Variants in ARL5C observed in about 807,000 individuals in gnomAD.
ARL5C encodes the protein ARF like GTPase 5C.
ARL5C carries 21 observed loss-of-function variants against 20.8 expected under a neutral mutation model. That is an observed-to-expected ratio of 1.01 (90% confidence interval 0.72 to 1.46). The LOEUF is 1.46. ARL5C is among the 40% of genes most tolerant of loss of function. The pLI, the probability that ARL5C is intolerant of heterozygous loss-of-function variation, is 0.00. For synonymous variants in ARL5C, 71 were observed against 81.6 expected (o/e 0.87, Z 0.70); for missense variants, 199 against 225.1 (o/e 0.88, Z 0.74).
At chr17:39,160,413 G>A in intron 5 of ARL5C, 178 bp downstream of exon 5, 2 of 637,834 alleles carry the variant, frequency 3.1e-6, no homozygotes, top group Non-Finnish European at 5.4e-6. Context: ...GAGCAGGGAT[G>A]CTGTCTGCTT....
intron 1 of ARL5C, 99 bp from the exon 2 acceptor site, chr17:39,165,238 G>A (rs1326459012): frequency 3.3e-6 from 4 of 1,221,146 alleles, no homozygotes; most frequent in Non-Finnish European, 3.5e-6. Context: ...AGCGCTCCCC[G>A]CAGGCTGGGG....
intron 5 of ARL5C, among the ~76,000 whole-genome samples, chr17:39,158,398 A>C (rs956867786): frequency 1.3e-5 from 2 of 152,216 alleles, no homozygotes; most frequent in African/African-American, 4.8e-5. Context: ...AGATCATTTG[A>C]GCTCAGGTGT....
At chr17:39,158,164 T>TGAGG (rs1159615000) in intron 5 of ARL5C, among the ~76,000 whole-genome samples, 8 of 25,318 alleles carry the variant, frequency 3.2e-4, no homozygotes, top group African/African-American at 7.3e-4. Context: ...AGGGAGGAAG[T>TGAGG]GAGGGAGGGA....
At chr17:39,165,305 C>T (rs2045457307) in intron 1 of ARL5C, 166 bp from the exon 2 acceptor site, 1 of 659,432 alleles carries the variant, frequency 1.5e-6, no homozygotes, top group African/African-American at 1.8e-5. Context: ...CTGCCCCACT[C>T]CGGGACGGTG....
At chr17:39,163,345 C>CCTTTCTCTCTTTCTTT (rs2045443968) in intron 2 of ARL5C, among the ~76,000 whole-genome samples, 2 of 136,740 alleles carry the variant, frequency 1.5e-5, no homozygotes, top group Non-Finnish European at 3.2e-5. Context: ...CAGGCTTTTG[C>CCTTTCTCTCTTTCTTT]CTTTCTTTCT....
At chr17:39,161,114 C>A (rs533648572) in intron 4 of ARL5C, among the ~76,000 whole-genome samples, 154 bp downstream of exon 4, 15 of 152,240 alleles carry the variant, frequency 9.9e-5, no homozygotes, top group African/African-American at 3.6e-4. Context: ...GTACTGATGC[C>A]CTTCATCAGG....
intron 2 of ARL5C, 145 bp from the exon 3 acceptor site, chr17:39,163,003 C>T (rs658542): frequency 0.14 from 136,957 of 950,762 alleles, 10,615 homozygotes; most frequent in East Asian, 0.21. Flanking sequence ...AGCCAGGCCC[C>T]GTGCTGGGCC....
Position 39,162,566 on chromosome 17 carries a change from G to A in ARL5C, c.255+145C>T, listed in dbSNP as rs1027832450. On this transcript the variant is annotated intron_variant, in intron 3 of 5. Coordinates refer to ENST00000269586, the MANE Select transcript of ARL5C (RefSeq NM_001143968.1). ...TCCACCCGCCTTGGACTCCCAAAGTGCTGGGATTACAGGTGTGAGCCACAG... is the reference window on the plus strand; with the variant it reads ...TCCACCCGCCTTGGACTCCCAAAGTACTGGGATTACAGGTGTGAGCCACAG... 4.5e-5 allele frequency: 47 copies of A among 1,050,382 alleles called. No individual in the cohort carries two copies. The African/African-American group carries it at 6.5e-4, about 15-fold the overall frequency. 65.1% of individuals were successfully genotyped at this position (1,050,382 alleles called of 1,614,324 possible).
At chr17:39,158,781 G>C (rs1165051069) in intron 5 of ARL5C, among the ~76,000 whole-genome samples, 1 of 151,896 alleles carries the variant, frequency 6.6e-6, no homozygotes, top group Non-Finnish European at 1.5e-5. Context: ...AGTGTCCCTT[G>C]TCAGATAACT....
rs146308343 is a variant in ARL5C at position 39,157,515 on chromosome 17, C to T, written c.492-573G>A. Among the ~76,000 whole-genome samples, 965 of 152,292 alleles carry T rather than the reference C, an allele frequency of 6.3e-3. 8 individuals are homozygous for T. Among genetic ancestry groups the T allele is most frequent in the African/African-American group, 0.022 (921 of 41,560 alleles). On this transcript the variant is annotated intron_variant, in intron 5 of 5. Transcript: ENST00000269586. Reference sequence around the variant, plus strand: ...CTTAGAAAATGCTGATTGGGCCAGGCGCAGTGGCTCACGCCTTTAATCCCA... The same window carrying T: ...CTTAGAAAATGCTGATTGGGCCAGGTGCAGTGGCTCACGCCTTTAATCCCA...
At position 39,165,900 on chromosome 17, in the gene ARL5C, A is replaced by G. The variant is rs911541071; in HGVS notation, c.-140T>C. ...GTTAGGGAAGCCCCACACGTCACCA[A>G]CCTGACCTGGGAACCCTCTGGGACG... On this transcript the variant is annotated 5_prime_UTR_variant, in exon 1 of 6. Coordinates refer to ENST00000269586, the MANE Select transcript of ARL5C (RefSeq NM_001143968.1). The G allele has an allele frequency of 3.1e-6, 3 of 964,630 alleles. No individual in the cohort carries two copies. The African/African-American group carries it at 4.9e-5, about 16-fold the overall frequency. 59.8% of individuals were successfully genotyped at this position (964,630 alleles called of 1,614,324 possible). A position where few individuals can be genotyped will look rare whatever the true frequency, so the allele number is the denominator to read the frequency against.
At chr17:39,158,145 A>G (rs1052629530) in intron 5 of ARL5C, among the ~76,000 whole-genome samples, 38 of 133,988 alleles carry the variant, frequency 2.8e-4, no homozygotes, top group Non-Finnish European at 2.6e-4. Context: ...GGAAGGAAGG[A>G]AGGAAGAGAG....
intron 5 of ARL5C, among the ~76,000 whole-genome samples, chr17:39,159,632 A>G (rs2045424855): frequency 6.6e-6 from 1 of 152,090 alleles, no homozygotes; most frequent in African/African-American, 2.4e-5. Flanking sequence ...TTTCTTGTTT[A>G]TCATCTGCCT....
rs1448934153 is a variant in ARL5C, at chr17:39,165,244, T to C, written c.47-105A>G. 4.4e-6 allele frequency: 5 copies of C among 1,137,138 alleles called. No individual in the cohort carries two copies. The East Asian group carries it at 1.3e-4, about 29-fold the overall frequency. The allele number at this position is 1,137,138 out of a possible 1,614,324, so 70.4% of individuals were successfully genotyped here. Reference sequence around the variant, plus strand: ...GAAGGAGATAGCGCTCCCCGCAGGCTGGGGACCTCTGCCCACCGTACCGCG... The same window carrying C: ...GAAGGAGATAGCGCTCCCCGCAGGCCGGGGACCTCTGCCCACCGTACCGCG... On this transcript the variant is annotated intron_variant, in intron 1 of 5. Transcript: ENST00000269586.
rs1457942237 is a variant in ARL5C at position 39,161,297 on chromosome 17, C to T, written c.310G>A (p.Glu104Lys). The T allele has an allele frequency of 3.2e-6, 5 of 1,551,862 alleles. No homozygotes were observed. In the East Asian group the frequency reaches 1.2e-4, roughly 38 times the overall value. The change falls in exon 4 of 6, where the codon GAG (glutamate) becomes AAG (lysine). Residue 104 changes from glutamate (E) to lysine (K), a missense_variant. Glu to Lys is a moderately conservative substitution (Grantham distance 56, BLOSUM62 1). Coordinates refer to ENST00000269586, the MANE Select transcript of ARL5C (RefSeq NM_001143968.1). ...TDRDRLLTTR[E>K]ELYKMLAHEA... Reference sequence around the variant, plus strand: ...TGGGCCAGCATTTTATATAGCTCCTCCCGAGTGGTCAGCAGCCGATCCCGG... The same window carrying T: ...TGGGCCAGCATTTTATATAGCTCCTTCCGAGTGGTCAGCAGCCGATCCCGG...
intron 3 of ARL5C, among the ~76,000 whole-genome samples, chr17:39,161,928 G>T (rs515669): frequency 5.3e-5 from 8 of 151,998 alleles, no homozygotes; most frequent in African/African-American, 1.7e-4. Context: ...TTACCACAAC[G>T]CTGTGGACTT....
At chr17:39,162,630 A>C in intron 3 of ARL5C, 81 bp downstream of exon 3, 1 of 1,470,716 alleles carries the variant, frequency 6.8e-7, no homozygotes, top group Non-Finnish European at 9.1e-7. Flanking sequence ...AAGTTGGGGA[A>C]CCAAGGCTCA....
intron 1 of ARL5C, 148 bp downstream of exon 1, chr17:39,165,567 G>C: frequency 3.2e-6 from 3 of 951,936 alleles, no homozygotes; most frequent in East Asian, 5.3e-5. Context: ...GCAGGGACGG[G>C]GGCAGGGGAG....
Position 39,160,577 on chromosome 17 carries a change from G to C in ARL5C, c.491+14C>G. The C allele has an allele frequency of 1.3e-6, 2 of 1,551,366 alleles. No individual in the cohort carries two copies. The highest frequency in any genetic ancestry group is 1.7e-6 in the Non-Finnish European group (2 of 1,146,718). ...CAGCCAGGCCCTAGAGATCCAGGTA[G>C]GGCAGCCACTAACCCTTCCCTGGTG... On this transcript the variant is annotated intron_variant, in intron 5 of 5. Transcript: ENST00000269586.
Sources: gnomAD v4.1 joint callset for allele counts (sites outside exome capture counted in the v4.1 genomes callset) on GRCh38, gnomAD v4.1.1 for gene constraint, MANE v1.5 for transcripts, NCBI Gene and HGNC (gene_info 2026-07-23, HGNC 2026-07-21) for gene names.